Variants in ADARB1 observed in about 807,000 individuals in gnomAD.
The protein encoded by ADARB1 is double-stranded RNA-specific editase 1.
ADARB1 carries 10 observed loss-of-function variants against 52.4 expected under a neutral mutation model. The observed-to-expected ratio is 0.19, with a 90% confidence interval of 0.12 to 0.32. The LOEUF is 0.32. Among genes scored for constraint, ADARB1 ranks in the 10% least tolerant of loss-of-function variants. ADARB1 has a pLI of 1.00. For synonymous variants in ADARB1, 349 were observed against 371.1 expected, an observed-to-expected ratio of 0.94 and a Z score of 0.68; for missense variants, 643 against 922.3, an observed-to-expected ratio of 0.70 and a Z score of 3.92.
At chr21:45,152,951 G>A (rs957286331) in intron 2 of ADARB1, among the ~76,000 whole-genome samples, 2 of 152,198 alleles carry the variant, frequency 1.3e-5, no homozygotes, top group Admixed American at 6.5e-5. Context: ...TTCAGAGTCT[G>A]GAGTATGTCT....
chr21:45,097,504 T>C (rs1305192074), intron 1 of ADARB1, among the ~76,000 whole-genome samples: 2 of 150,412 alleles, frequency 1.3e-5, no homozygotes, highest in Non-Finnish European at 3.0e-5. Context: ...AGTTGTGCCG[T>C]GGAAGGGTCC....
At chr21:45,085,667 T>G (rs2086312630) in intron 1 of ADARB1, among the ~76,000 whole-genome samples, 1 of 152,258 alleles carries the variant, frequency 6.6e-6, no homozygotes, top group Non-Finnish European at 1.5e-5. Context: ...ATTTTTTCCC[T>G]CTGCACTTTT....
intron 2 of ADARB1, among the ~76,000 whole-genome samples, chr21:45,167,267 T>C (rs574344588): frequency 3.9e-5 from 6 of 152,326 alleles, no homozygotes; most frequent in Admixed American, 6.5e-5. Flanking sequence ...GTGAACTGTA[T>C]GAATTAGGTG....
In ADARB1 at chr21:45,225,110, TATTA is replaced by T. The variant is rs796658235; in HGVS notation, c.*2917_*2920del. 90 of 996,680 alleles carry T rather than the reference TATTA, an allele frequency of 9.0e-5. No individual in the cohort carries two copies. In the African/African-American group the frequency reaches 1.5e-3, roughly 16 times the overall value. 61.7% of individuals were successfully genotyped at this position (996,680 alleles called of 1,614,324 possible). On this transcript the variant is annotated 3_prime_UTR_variant, in exon 11 of 11. Coordinates refer to ENST00000348831, the MANE Select transcript of ADARB1 (RefSeq NM_001112.4). The stretch of plus-strand genomic sequence containing the variant: ...TTTGTTTTGTTAACTAAACCTGAAG[TATTA>T]ATTCCACAAAGACACTGTCCCTCAG...
At chr21:45,134,438 G>A (rs1239071021) in intron 2 of ADARB1, among the ~76,000 whole-genome samples, 2 of 151,850 alleles carry the variant, frequency 1.3e-5, no homozygotes, top group Admixed American at 6.6e-5. Context: ...GGGTGTGTGC[G>A]CCTGACAGGA....
intron 8 of ADARB1, among the ~76,000 whole-genome samples, chr21:45,196,830 CAGTG>C (rs1323841163): frequency 2.6e-5 from 4 of 152,194 alleles, no homozygotes; most frequent in African/African-American, 9.6e-5. Flanking sequence ...CAAATGTTGA[CAGTG>C]ATATGGAGGA....
At position 45,222,219 on chromosome 21, in the gene ADARB1, G is replaced by C; in HGVS notation, c.*22G>C. The C allele has an allele frequency of 1.3e-6, 2 of 1,535,714 alleles. No homozygotes were observed. Among genetic ancestry groups the C allele is most frequent in the South Asian group, 1.3e-5 (1 of 77,040 alleles). On this transcript the variant is annotated 3_prime_UTR_variant, in exon 11 of 11. Transcript: ENST00000348831. ...CTGACCCGGGCAGACATGATGGGGG[G>C]TGCAGGGGGCTGTGGGCATCCAGCG...
At chr21:45,132,953 T>C (rs866302418) in intron 2 of ADARB1, among the ~76,000 whole-genome samples, 7 of 152,158 alleles carry the variant, frequency 4.6e-5, no homozygotes, top group Admixed American at 2.6e-4. Flanking sequence ...ATACCGACAA[T>C]CTTCCAAAGC....
chr21:45,195,127 G>C lies in ADARB1; in HGVS notation c.1566-9428G>C, dbSNP rs138925691. ...TCTAATACACATGTAGTAGTATCTC[G>C]TTTTAATTTGCAGATTCCTAATGAC... On this transcript the variant is annotated intron_variant, in intron 8 of 10. Transcript: ENST00000348831. 6.6e-3 allele frequency among the ~76,000 whole-genome samples: 1,004 copies of C among 152,252 alleles called. 32 individuals are homozygous for C. The highest frequency in any genetic ancestry group is 0.049 in the Admixed American group (748 of 15,292).
intron 1 of ADARB1, among the ~76,000 whole-genome samples, chr21:45,084,372 G>C (rs1240324387): frequency 6.6e-6 from 1 of 152,234 alleles, no homozygotes; most frequent in Non-Finnish European, 1.5e-5. Flanking sequence ...CCCTTCTTTT[G>C]ACTCAGTAAC....
At chr21:45,094,554 A>G (rs2086680690) in intron 1 of ADARB1, among the ~76,000 whole-genome samples, 1 of 152,120 alleles carries the variant, frequency 6.6e-6, no homozygotes, top group Non-Finnish European at 1.5e-5. Flanking sequence ...TCCTCTGTAC[A>G]TGGAAGCAGC....
intron 2 of ADARB1, among the ~76,000 whole-genome samples, chr21:45,140,000 A>G (rs891363621): frequency 7.4e-6 from 1 of 134,864 alleles, no homozygotes; most frequent in Non-Finnish European, 1.5e-5. Context: ...CTGGAGTGCA[A>G]TGGCATGATC....
At chr21:45,101,786 AC>A (rs2087030233) in intron 1 of ADARB1, among the ~76,000 whole-genome samples, 1 of 152,228 alleles carries the variant, frequency 6.6e-6, no homozygotes, top group African/African-American at 2.4e-5. Context: ...GCTGACTATT[AC>A]GTGGGAGATG....
At chr21:45,209,410 T>C (rs577993336) in intron 9 of ADARB1, among the ~76,000 whole-genome samples, 1 of 152,368 alleles carries the variant, frequency 6.6e-6, no homozygotes, top group Admixed American at 6.5e-5. Context: ...ATATCCTTAA[T>C]TGGGGTGACA....
chr21:45,207,600 A>G (rs1177603121), intron 9 of ADARB1, among the ~76,000 whole-genome samples: 1 of 152,246 alleles, frequency 6.6e-6, no homozygotes, highest in Non-Finnish European at 1.5e-5. Flanking sequence ...CATTAAAAGA[A>G]AAGTCTTACA....
At chr21:45,123,701 A>G (rs1287011345) in intron 1 of ADARB1, among the ~76,000 whole-genome samples, 1 of 152,140 alleles carries the variant, frequency 6.6e-6, no homozygotes, top group Non-Finnish European at 1.5e-5. Flanking sequence ...CCCAGGTTCA[A>G]ACAGTCCTCC....
intron 1 of ADARB1, among the ~76,000 whole-genome samples, chr21:45,127,366 T>G (rs981806144): frequency 6.6e-6 from 1 of 152,188 alleles, no homozygotes; most frequent in Non-Finnish European, 1.5e-5. Context: ...CTGGACAAGA[T>G]GACTCTGTGA....
intron 8 of ADARB1, among the ~76,000 whole-genome samples, chr21:45,198,264 C>T (rs1390414370): frequency 1.3e-5 from 2 of 152,012 alleles, no homozygotes; most frequent in Admixed American, 6.6e-5. Flanking sequence ...TCAACAGAAC[C>T]GGTGAGGCTG....
intron 3 of ADARB1, among the ~76,000 whole-genome samples, chr21:45,174,137 A>G (rs527798818): frequency 1.4e-3 from 214 of 152,358 alleles, no homozygotes; most frequent in Middle Eastern, 6.8e-3. Context: ...ACCATTTTAC[A>G]CATGTAGTAG....
Sources: allele counts gnomAD v4.1 joint callset (sites outside exome capture counted in the v4.1 genomes callset), GRCh38; gene constraint gnomAD v4.1.1; transcripts MANE v1.5; gene names NCBI Gene and HGNC (gene_info 2026-07-23, HGNC 2026-07-21).